Variants in FRY observed in about 807,000 individuals in gnomAD.
FRY encodes the protein FRY microtubule binding protein.
In FRY, 128 loss-of-function variants were observed where a neutral mutation model predicts 348.4. The ratio of observed to expected loss-of-function variants is 0.37; its 90% confidence interval spans 0.32 to 0.43. The LOEUF (loss-of-function observed/expected upper bound fraction) is 0.43. FRY is among the 20% of genes least tolerant of loss of function. The pLI is 1.00. For synonymous variants in FRY, 1,370 were observed against 1,374.7 expected, an observed-to-expected ratio of 1.00 and a Z score of 0.08; for missense variants, 2,736 against 3,695.2, an observed-to-expected ratio of 0.74 and a Z score of 6.73.
In FRY at chr13:32,295,474, T is replaced by C; in HGVS notation, c.*14T>C. On this transcript the variant is annotated 3_prime_UTR_variant, in exon 61 of 61. Coordinates refer to ENST00000542859, the MANE Select transcript of FRY (RefSeq NM_023037.3). ...ACTAGTCTCTGACAGGAGCCTCCTG[T>C]CCCCACTGGGTTCCAAACTGGCAGT... 1 of 1,608,490 alleles carries C rather than the reference T, an allele frequency of 6.2e-7. No homozygotes were observed. Among genetic ancestry groups the C allele is most frequent in the Non-Finnish European group, 8.5e-7 (1 of 1,179,780 alleles).
At chr13:32,047,530 G>A (rs1447666059) in intron 1 of FRY, among the ~76,000 whole-genome samples, 4 of 149,674 alleles carry the variant, frequency 2.7e-5, no homozygotes, top group Admixed American at 6.7e-5. Context: ...CAGTTGCAGC[G>A]TTTTCTTTTT....
At chr13:32,154,031 T>G in intron 14 of FRY, among the ~76,000 whole-genome samples, 1 of 152,198 alleles carries the variant, frequency 6.6e-6, no homozygotes, top group South Asian at 2.1e-4. Context: ...CTTAGAGAAC[T>G]GACAAGGATG....
chr13:32,129,805 A>G (rs1374946396), intron 7 of FRY, among the ~76,000 whole-genome samples: 5 of 152,234 alleles, frequency 3.3e-5, no homozygotes, highest in Non-Finnish European at 7.3e-5. Context: ...AAAGTATTAT[A>G]AAATGGACAC....
intron 1 of FRY, among the ~76,000 whole-genome samples, chr13:32,077,569 A>C (rs1379673508): frequency 6.6e-6 from 1 of 152,206 alleles, no homozygotes; most frequent in Non-Finnish European, 1.5e-5. Flanking sequence ...AAGGGTAGGA[A>C]ATGTGAGGGA....
At chr13:32,041,776 T>C (rs1872758821) in intron 1 of FRY, among the ~76,000 whole-genome samples, 1 of 152,210 alleles carries the variant, frequency 6.6e-6, no homozygotes, top group Non-Finnish European at 1.5e-5. Context: ...AGAGATGTTT[T>C]TGTGTCTTGC....
At chr13:32,131,444 G>A (rs1040791333) in intron 7 of FRY, among the ~76,000 whole-genome samples, 9 of 152,120 alleles carry the variant, frequency 5.9e-5, no homozygotes, top group African/African-American at 1.7e-4. Context: ...CTGCCCCCTC[G>A]CCTGATGAAG....
In FRY at chr13:32,183,160, ATT is replaced by A. The variant is rs1010952505; in HGVS notation, c.3054+129_3054+130del. On this transcript the variant is annotated intron_variant, in intron 24 of 60. Coordinates refer to ENST00000542859, the MANE Select transcript of FRY (RefSeq NM_023037.3). The stretch of plus-strand genomic sequence containing the variant: ...CACCTTTTAACAAATGAATCTTTAT[ATT>A]TTAACTTTTGTTGTTTTTATTATTT... 44 of 606,192 alleles carry A rather than the reference ATT, an allele frequency of 7.3e-5. No homozygotes were observed. The Admixed American group carries it at 1.3e-3, about 18-fold the overall frequency. The allele number at this position is 606,192 out of a possible 1,614,324, so 37.6% of individuals were successfully genotyped here.
intron 31 of FRY, among the ~76,000 whole-genome samples, chr13:32,205,910 G>A (rs370762957): frequency 1.6e-4 from 25 of 151,852 alleles, no homozygotes; most frequent in African/African-American, 6.0e-4. Context: ...TGAGACTGGA[G>A]GGGAGAAACC....
chr13:32,145,537 T>TTTTG (rs1566095584), intron 11 of FRY, among the ~76,000 whole-genome samples: 13 of 135,658 alleles, frequency 9.6e-5, no homozygotes, highest in Admixed American at 1.4e-4. Context: ...TTTTTTTTTT[T>TTTTG]TTTTTTTTTT....
chr13:32,218,919 T>A, intron 36 of FRY, 88 bp downstream of exon 36: 1 of 771,970 alleles, frequency 1.3e-6, no homozygotes, highest in Non-Finnish European at 2.3e-6. Flanking sequence ...TTGGTCTGAT[T>A]ACTAAAAGGG....
At chr13:32,108,743 A>G (rs1877745034) in intron 3 of FRY, among the ~76,000 whole-genome samples, 1 of 152,210 alleles carries the variant, frequency 6.6e-6, no homozygotes, top group Non-Finnish European at 1.5e-5. Context: ...CATTGCTATC[A>G]GGTATCTACC....
chr13:32,240,631 C>T (rs867586827), intron 46 of FRY, among the ~76,000 whole-genome samples: 6 of 152,080 alleles, frequency 3.9e-5, no homozygotes, highest in Admixed American at 1.3e-4. Context: ...AAATGTATTC[C>T]GTTTAGCATC....
At chr13:32,136,317 A>C (rs939617600) in intron 10 of FRY, among the ~76,000 whole-genome samples, 3 of 152,170 alleles carry the variant, frequency 2.0e-5, no homozygotes, top group Non-Finnish European at 2.9e-5. Context: ...ATTTGGTCAT[A>C]AGCAAATTCC....
chr13:32,278,736 G>A (rs181719889), intron 58 of FRY, 188 bp downstream of exon 58: 11 of 698,852 alleles, frequency 1.6e-5, no homozygotes, highest in Non-Finnish European at 2.9e-5. Context: ...GATTTGTGGG[G>A]AGGTTTCTTC....
intron 3 of FRY, among the ~76,000 whole-genome samples, chr13:32,111,916 G>A (rs527948209): frequency 2.6e-5 from 4 of 152,220 alleles, no homozygotes; most frequent in Non-Finnish European, 5.9e-5. Flanking sequence ...GGAGCCAGAT[G>A]TTTGCTACCT....
intron 39 of FRY, among the ~76,000 whole-genome samples, chr13:32,227,899 C>A (rs954758276): frequency 6.6e-6 from 1 of 151,918 alleles, no homozygotes; most frequent in Non-Finnish European, 1.5e-5. Context: ...CTACAGGTGC[C>A]GACCACCACG....
At chr13:32,145,595 A>G (rs1180822006) in intron 11 of FRY, among the ~76,000 whole-genome samples, 1 of 132,636 alleles carries the variant, frequency 7.5e-6, no homozygotes, top group African/African-American at 3.0e-5. Flanking sequence ...CGGACTGCGG[A>G]CTGCAGTGGT....
intron 58 of FRY, among the ~76,000 whole-genome samples, chr13:32,287,587 AACTG>A (rs1372238603): frequency 6.6e-6 from 1 of 152,242 alleles, no homozygotes. Context: ...TGGTCTCTAA[AACTG>A]ACTGACAAAA....
intron 2 of FRY, among the ~76,000 whole-genome samples, chr13:32,092,653 T>A (rs1876393287): frequency 6.6e-6 from 1 of 152,058 alleles, no homozygotes; most frequent in Non-Finnish European, 1.5e-5. Flanking sequence ...AGGAGAAAAT[T>A]CCCCTTGCGT....
Sources: gnomAD v4.1 joint callset for allele counts (sites outside exome capture counted in the v4.1 genomes callset) on GRCh38, gnomAD v4.1.1 for gene constraint, MANE v1.5 for transcripts, NCBI Gene and HGNC (gene_info 2026-07-23, HGNC 2026-07-21) for gene names.